SYNPR: variants seen among roughly 807,000 people sequenced by gnomAD.
SYNPR encodes the protein synaptoporin.
Under a neutral mutation model 32.9 loss-of-function variants are expected in SYNPR, and 23 were observed. That is an observed-to-expected ratio of 0.70 (90% CI 0.50 to 0.99). The LOEUF (loss-of-function observed/expected upper bound fraction) is 0.99, where lower values mean the gene tolerates loss of function less well. Ranked by LOEUF, SYNPR falls within the 50% of genes least tolerant of loss-of-function variation. The pLI, the probability that SYNPR is intolerant of heterozygous loss-of-function variation, is 0.00. For missense variants in SYNPR, 318 were observed against 349.3 expected (o/e 0.91, Z 0.71); for synonymous variants, 146 against 135.9 (o/e 1.07, Z -0.52).
intron 2 of SYNPR, among the ~76,000 whole-genome samples, chr3:63,390,018 C>T (rs946001271): frequency 1.2e-4 from 19 of 152,316 alleles, no homozygotes; most frequent in African/African-American, 3.6e-4. Flanking sequence ...CAGTTAGAAA[C>T]CTATGAAAGC....
At chr3:63,308,904 T>C (rs990893506) in intron 2 of SYNPR, among the ~76,000 whole-genome samples, 2 of 151,934 alleles carry the variant, frequency 1.3e-5, no homozygotes, top group African/African-American at 4.8e-5. Flanking sequence ...ATAAATTTTA[T>C]AGTTTTCATC....
In SYNPR at chr3:63,613,610, C is replaced by CAAAAAAAAAAAAAAAAA. The variant is rs10566584; in HGVS notation, c.601-1601_601-1585dup. Among the ~76,000 whole-genome samples, 4 of 46,050 alleles carry CAAAAAAAAAAAAAAAAA rather than the reference C, an allele frequency of 8.7e-5. 1 individual carries two copies. The highest frequency in any genetic ancestry group is 3.3e-4 in the African/African-American group (4 of 12,118). The allele number at this position is 46,050 out of a possible 152,430, so 30.2% of individuals were successfully genotyped here. A position where few individuals can be genotyped will look rare whatever the true frequency, so the allele number is the denominator to read the frequency against. On this transcript the variant is annotated intron_variant, in intron 5 of 5. Coordinates refer to ENST00000478300, the MANE Select transcript of SYNPR (RefSeq NM_001130003.2). ...TGCCTCAGTTCAATTTATGCTGCAGCAAAAAAAAAAAAAAAAAAAAAAAAA... is the reference window on the plus strand; with the variant it reads ...TGCCTCAGTTCAATTTATGCTGCAGCAAAAAAAAAAAAAAAAAAAAAAAAAAAAAAAAAAAAAAAAAA...
chr3:63,579,617 T>C (rs1374630465), intron 4 of SYNPR, among the ~76,000 whole-genome samples: 1 of 152,130 alleles, frequency 6.6e-6, no homozygotes, highest in Admixed American at 6.6e-5. Flanking sequence ...TTTAGAAAGA[T>C]GCTCAACATG....
chr3:63,508,230 CCCTT>C (rs879926522), intron 3 of SYNPR, among the ~76,000 whole-genome samples: 1 of 152,118 alleles, frequency 6.6e-6, no homozygotes, highest in Non-Finnish European at 1.5e-5. Flanking sequence ...TGTAGACTCA[CCCTT>C]CCTTCCTTCA....
chr3:63,324,359 G>A (rs1017415601), intron 2 of SYNPR, among the ~76,000 whole-genome samples: 2 of 151,572 alleles, frequency 1.3e-5, no homozygotes, highest in African/African-American at 2.4e-5. Context: ...AGACAATAAA[G>A]AGCCTTGAAG....
At chr3:63,590,963 A>C (rs1361298289) in intron 4 of SYNPR, among the ~76,000 whole-genome samples, 1 of 147,554 alleles carries the variant, frequency 6.8e-6, no homozygotes. Flanking sequence ...AATGGGATCT[A>C]ATTAAACTAA....
intron 2 of SYNPR, among the ~76,000 whole-genome samples, chr3:63,443,853 A>C (rs933764178): frequency 2.6e-5 from 4 of 152,176 alleles, no homozygotes; most frequent in Non-Finnish European, 5.9e-5. Flanking sequence ...TTTTAATTAA[A>C]GTTTCTTCAT....
chr3:63,347,620 C>A (rs2087453989), intron 2 of SYNPR, among the ~76,000 whole-genome samples: 1 of 151,980 alleles, frequency 6.6e-6, no homozygotes, highest in African/African-American at 2.4e-5. Flanking sequence ...ATTTCTCATC[C>A]CTCACCCTCC....
intron 3 of SYNPR, among the ~76,000 whole-genome samples, chr3:63,524,870 T>TGAGAGA (rs59919433): frequency 2.8e-5 from 4 of 140,602 alleles, no homozygotes; most frequent in Admixed American, 7.0e-5. Flanking sequence ...TGTGTGTGTG[T>TGAGAGA]GAGAGAGAGA....
intron 2 of SYNPR, among the ~76,000 whole-genome samples, chr3:63,346,810 C>T (rs1340586250): frequency 1.3e-5 from 2 of 152,110 alleles, no homozygotes; most frequent in Non-Finnish European, 2.9e-5. Context: ...TGTCGGCTTG[C>T]CTTAATAAAC....
chr3:63,317,352 T>C (rs956716709), intron 2 of SYNPR, among the ~76,000 whole-genome samples: 6 of 151,968 alleles, frequency 3.9e-5, no homozygotes, highest in South Asian at 4.1e-4. Flanking sequence ...CTCACTATTA[T>C]TGTGTTGCTG....
At chr3:63,504,456 T>C (rs1347414818) in intron 3 of SYNPR, among the ~76,000 whole-genome samples, 1 of 152,208 alleles carries the variant, frequency 6.6e-6, no homozygotes, top group African/African-American at 2.4e-5. Context: ...TGCAGGTTTG[T>C]AACAATCCAC....
the SYNPR span, among the ~76,000 whole-genome samples, chr3:63,208,070 C>A: frequency 2.6e-5 from 4 of 151,968 alleles, no homozygotes; most frequent in Non-Finnish European, 4.4e-5. Context: ...CACACACTCA[C>A]AGAGTCAATA....
At chr3:63,552,729 G>T (rs1702524840) in intron 3 of SYNPR, among the ~76,000 whole-genome samples, 1 of 152,110 alleles carries the variant, frequency 6.6e-6, no homozygotes, top group South Asian at 2.1e-4. Flanking sequence ...CCTAGTTAAT[G>T]TCCTTATTAT....
chr3:63,605,518 G>C (rs1700105140), intron 4 of SYNPR, among the ~76,000 whole-genome samples: 1 of 152,142 alleles, frequency 6.6e-6, no homozygotes, highest in Admixed American at 6.5e-5. Flanking sequence ...AATATTTATT[G>C]AGCAGCTGCT....
intron 2 of SYNPR, among the ~76,000 whole-genome samples, chr3:63,465,073 T>C (rs552677869): frequency 5.4e-4 from 83 of 152,304 alleles, no homozygotes; most frequent in African/African-American, 1.9e-3. Context: ...ATACATTTTA[T>C]TGCCTCTTAG....
chr3:63,354,900 T>G (rs572304990), intron 2 of SYNPR, among the ~76,000 whole-genome samples: 2 of 152,314 alleles, frequency 1.3e-5, no homozygotes, highest in East Asian at 3.9e-4. Context: ...AATTTGATCT[T>G]TGTAGCAAAG....
intron 2 of SYNPR, among the ~76,000 whole-genome samples, chr3:63,358,598 A>G (rs972228680): frequency 1.3e-5 from 2 of 149,234 alleles, no homozygotes; most frequent in Middle Eastern, 3.2e-3. Context: ...TTAGGGAGCT[A>G]TTATTCTATA....
upstream of SYNPR, among the ~76,000 whole-genome samples, chr3:63,275,691 G>C (rs1361018360): frequency 1.3e-5 from 2 of 152,150 alleles, no homozygotes; most frequent in Non-Finnish European, 2.9e-5. Context: ...CCATTCTAAG[G>C]CTGGATATAC....
Sources: gnomAD v4.1 joint callset for allele counts (sites outside exome capture counted in the v4.1 genomes callset) on GRCh38, gnomAD v4.1.1 for gene constraint, MANE v1.5 for transcripts, NCBI Gene and HGNC (gene_info 2026-07-23, HGNC 2026-07-21) for gene names.